Variants in RHBG observed in about 807,000 individuals in gnomAD.
The protein encoded by RHBG is Rh family B glycoprotein.
In RHBG, 39 loss-of-function variants were observed where a neutral mutation model predicts 40.1. That is an observed-to-expected ratio of 0.97 (90% CI 0.75 to 1.27). The LOEUF (loss-of-function observed/expected upper bound fraction) is 1.27, where lower values mean the gene tolerates loss of function less well. RHBG is among the 50% of genes most tolerant of loss of function. The pLI is 0.00. For missense variants in RHBG, 549 were observed against 588.1 expected (o/e 0.93, Z 0.69); for synonymous variants, 237 against 252.5 (o/e 0.94, Z 0.58).
At chr1:156,384,240 T>A (rs1667882199) in intron 8 of RHBG, among the ~76,000 whole-genome samples, 1 of 152,246 alleles carries the variant, frequency 6.6e-6, no homozygotes, top group Admixed American at 6.5e-5. Context: ...TGCACACACT[T>A]GAGCAAATTA....
At chr1:156,373,317 T>A (rs1282653231) in intron 1 of RHBG, among the ~76,000 whole-genome samples, 1 of 152,072 alleles carries the variant, frequency 6.6e-6, no homozygotes, top group Non-Finnish European at 1.5e-5. Context: ...TCCTAGCTAC[T>A]CTAGAGGCTG....
At position 156,381,890 on chromosome 1, in the gene RHBG, GC is replaced by G. The variant is rs1274982037; in HGVS notation, c.926del (p.Ala309GlufsTer71). 1.2e-6 allele frequency: 2 copies of G among 1,608,334 alleles called. No individual in the cohort carries two copies. Among genetic ancestry groups the G allele is most frequent in the Non-Finnish European group, 1.7e-6 (2 of 1,178,872 alleles). ...EMMLTPFGAL[A>X]AGFLAGTVST... is the part of the protein sequence containing the mutation. ...GATGCTGACACCCTTTGGGGCTCTG[GC>G]AGCTGGCTTCTTGGCTGGGACTGTC... is the stretch of plus-strand genomic sequence containing the variant. On this transcript the variant is annotated frameshift_variant, in exon 6 of 10. Transcript: ENST00000537040. LOFTEE classifies it high-confidence loss of function.
intron 7 of RHBG, 121 bp downstream of exon 7, chr1:156,382,322 A>G: frequency 6.6e-7 from 1 of 1,517,160 alleles, no homozygotes; most frequent in East Asian, 2.3e-5. Context: ...ATATTCTGGG[A>G]GCAAAGGAAA....
At chr1:156,374,572 G>T (rs904548006) in intron 1 of RHBG, 1 of 435,896 alleles carries the variant, frequency 2.3e-6, no homozygotes, top group Non-Finnish European at 4.5e-6. Flanking sequence ...ATGTTGCCAC[G>T]AATGACAGGA....
rs1374694645 is a variant in RHBG at position 156,382,815 on chromosome 1, C to T, written c.1180C>T (p.Leu394Phe). 1 of 1,614,250 alleles carries T rather than the reference C, an allele frequency of 6.2e-7. No homozygotes were observed. The highest frequency in any genetic ancestry group is 1.3e-5 in the African/African-American group (1 of 75,076). The stretch of plus-strand genomic sequence containing the variant: ...TGCCACGTCACAGGCCATGCACCAG[C>T]TCTTCGGGCTGTTTGTCACACTGAT... Reference protein sequence around the residue: ...RSATSQAMHQLFGLFVTLMFA... With the variant: ...RSATSQAMHQFFGLFVTLMFA... Residue 394 changes from leucine (L) to phenylalanine (F), a missense_variant, in exon 8 of 10, where the codon CTC becomes TTC. Physicochemically the swap from Leu to Phe is conservative, Grantham distance 22. Transcript: ENST00000537040.
intron 1 of RHBG, among the ~76,000 whole-genome samples, chr1:156,373,578 G>A (rs186887355): frequency 6.6e-6 from 1 of 152,106 alleles, no homozygotes; most frequent in Admixed American, 6.6e-5. Context: ...ACCTCTCAGA[G>A]CCCAAAAAGA....
intron 1 of RHBG, among the ~76,000 whole-genome samples, chr1:156,373,422 C>T (rs542872890): frequency 6.2e-5 from 8 of 128,316 alleles, no homozygotes; most frequent in African/African-American, 1.5e-4. Context: ...CAAGAACTGT[C>T]GCAAAAAAAT....
rs769139122 is a variant in RHBG at position 156,369,448 on chromosome 1, G to A, written c.187+12G>A. On this transcript the variant is annotated intron_variant, in intron 1 of 9. Transcript: ENST00000537040. ...CTTTCGCTACCCAAGTGAGTGCGGG[G>A]TGAGGGCGCGCGGGAAGCAAAGACC... 46 of 1,595,794 alleles carry A rather than the reference G, an allele frequency of 2.9e-5. No individual in the cohort carries two copies. The Middle Eastern group carries it at 6.6e-4, about 23-fold the overall frequency.
intron 8 of RHBG, among the ~76,000 whole-genome samples, chr1:156,383,972 T>A (rs1571023805): frequency 6.6e-6 from 1 of 151,890 alleles, no homozygotes; most frequent in Non-Finnish European, 1.5e-5. Flanking sequence ...TATCTGGGAT[T>A]ACAGGCGACC....
In RHBG at chr1:156,384,859, CCT is replaced by C. The variant is rs761208492; in HGVS notation, c.*15_*16del. On this transcript the variant is annotated 3_prime_UTR_variant, in exon 10 of 10. Transcript: ENST00000537040. ...ACTCAGGCCTAACCCACTGCCAGCC[CCT>C]GAGAGGACACGCTCCTTTTCGAAGA... is the stretch of plus-strand genomic sequence containing the variant. 6.5e-7 allele frequency: 1 copy of C among 1,548,488 alleles called. No homozygotes were observed. The highest frequency in any genetic ancestry group is 1.1e-5 in the South Asian group (1 of 88,732).
rs775830654 is a variant in RHBG, at chr1:156,381,839, G to A, written c.874G>A (p.Val292Ile). The change falls in exon 6 of 10, where the codon GTT becomes ATT. Residue 292 changes from valine (V) to isoleucine (I), a missense_variant. Physicochemically the swap from Val to Ile is conservative, Grantham distance 29. Coordinates refer to ENST00000537040, the MANE Select transcript of RHBG (RefSeq NM_020407.5). Reference sequence around the variant, plus strand: ...CCAAAATGCAGCGCTGGCTGGAGGGGTTGTGGTGGGGACCTCAAGTGAAAT... The same window carrying A: ...CCAAAATGCAGCGCTGGCTGGAGGGATTGTGGTGGGGACCTCAAGTGAAAT... ...HIQNAALAGG[V>I]VVGTSSEMML... 12 of 1,594,966 alleles carry A rather than the reference G, an allele frequency of 7.5e-6. No individual in the cohort carries two copies. In the East Asian group the frequency reaches 2.5e-4, roughly 33 times the overall value.
At chr1:156,384,345 C>T (rs1487647069) in intron 8 of RHBG, 182 bp from the exon 9 acceptor site, 1 of 691,850 alleles carries the variant, frequency 1.4e-6, no homozygotes, top group East Asian at 2.7e-5. Flanking sequence ...CAAGACTAGT[C>T]AAGCACTTTG....
chr1:156,378,992 T>G (rs57294119), intron 4 of RHBG, among the ~76,000 whole-genome samples: 6,672 of 150,696 alleles, frequency 0.044, 190 homozygotes, highest in Middle Eastern at 0.11. Flanking sequence ...TGCTGCTTCT[T>G]CTTCTTTTTT....
intron 1 of RHBG, among the ~76,000 whole-genome samples, chr1:156,373,423 G>T: frequency 1.0e-5 from 1 of 96,056 alleles, no homozygotes; most frequent in African/African-American, 4.0e-5. Context: ...AAGAACTGTC[G>T]CAAAAAAATA....
At chr1:156,379,139 C>T (rs1049292101) in intron 4 of RHBG, among the ~76,000 whole-genome samples, 7 of 151,924 alleles carry the variant, frequency 4.6e-5, no homozygotes, top group Admixed American at 2.0e-4. Flanking sequence ...GGATTACAGG[C>T]GCGTGCCACC....
chr1:156,381,678 G>C (rs1571014998), intron 5 of RHBG, 128 bp from the exon 6 acceptor site: 1 of 1,403,116 alleles, frequency 7.1e-7, no homozygotes. Context: ...CGATATGGTA[G>C]CAGGACAATG....
chr1:156,371,861 A>T (rs1441930068), intron 1 of RHBG: 3 of 152,260 alleles, frequency 2.0e-5, no homozygotes, highest in Admixed American at 2.0e-4. Flanking sequence ...CTCCTTGGAC[A>T]TACAGCATTT....
At chr1:156,383,528 G>A (rs1307105345) in intron 8 of RHBG, among the ~76,000 whole-genome samples, 2 of 151,708 alleles carry the variant, frequency 1.3e-5, no homozygotes, top group African/African-American at 4.8e-5. Flanking sequence ...CGCCCGCCTC[G>A]GCCTCCCAAA....
At chr1:156,374,471 T>TC (rs1203086133) in intron 1 of RHBG, 1 of 303,750 alleles carries the variant, frequency 3.3e-6, no homozygotes, top group African/African-American at 2.3e-5. Context: ...GAGAGCAACT[T>TC]TTTTTTAGCT....
Sources: allele counts gnomAD v4.1 joint callset (sites outside exome capture counted in the v4.1 genomes callset), GRCh38; gene constraint gnomAD v4.1.1; transcripts MANE v1.5; gene names NCBI Gene and HGNC (gene_info 2026-07-23, HGNC 2026-07-21).